Variants in ADGRF5 observed in about 807,000 individuals in gnomAD.
ADGRF5 encodes G-protein coupled receptor 116.
In ADGRF5, 75 loss-of-function variants were observed where a neutral mutation model predicts 132.3. The observed-to-expected ratio is 0.57, with a 90% CI of 0.47 to 0.69. ADGRF5 has a LOEUF of 0.69. ADGRF5 is among the 30% of genes least tolerant of loss of function. ADGRF5 has a pLI of 0.00. For synonymous variants in ADGRF5, 629 were observed against 597.6 expected (o/e 1.05, Z -0.77); for missense variants, 1,516 against 1,630.6 (o/e 0.93, Z 1.21).
At chr6:46,900,106 T>C (rs774818799) in intron 2 of ADGRF5, 23 bp from the exon 3 acceptor site, 8 of 1,592,162 alleles carry the variant, frequency 5.0e-6, no homozygotes, top group African/African-American at 1.3e-5. Context: ...TTTGAGAAAG[T>C]TGTCAATTAA....
chr6:46,919,184 A>G (rs1404428760), intron 1 of ADGRF5, among the ~76,000 whole-genome samples: 3 of 152,232 alleles, frequency 2.0e-5, no homozygotes, highest in Non-Finnish European at 4.4e-5. Context: ...GAATCCAGCC[A>G]ATCGCATCAA....
At chr6:46,898,238 C>T (rs1313281632) in intron 3 of ADGRF5, among the ~76,000 whole-genome samples, 2 of 152,196 alleles carry the variant, frequency 1.3e-5, no homozygotes, top group Non-Finnish European at 2.9e-5. Flanking sequence ...TGTAGTCACC[C>T]ACTGCTCCTG....
chr6:46,930,345 T>A (rs769695495), intron 1 of ADGRF5, among the ~76,000 whole-genome samples: 1 of 152,204 alleles, frequency 6.6e-6, no homozygotes, highest in East Asian at 1.9e-4. Flanking sequence ...TGGAGACAAA[T>A]TGCTTTAAGT....
chr6:46,897,920 A>G (rs1936354051), intron 3 of ADGRF5, among the ~76,000 whole-genome samples: 1 of 152,186 alleles, frequency 6.6e-6, no homozygotes, highest in African/African-American at 2.4e-5. Flanking sequence ...TTCTTACTTC[A>G]GCGATTTTGT....
chr6:46,888,060 G>A (rs1263842030), intron 4 of ADGRF5: 1 of 278,016 alleles, frequency 3.6e-6, no homozygotes, highest in Non-Finnish European at 6.3e-6. Flanking sequence ...TATTATGAAG[G>A]ACCTGGCCAT....
chr6:46,954,079 G>A (rs1778630400), intron 1 of ADGRF5, among the ~76,000 whole-genome samples: 1 of 151,812 alleles, frequency 6.6e-6, no homozygotes, highest in African/African-American at 2.4e-5. Flanking sequence ...GCTAAGGAGT[G>A]AGCACCATCC....
chr6:46,894,381 A>G (rs576333254), intron 3 of ADGRF5, among the ~76,000 whole-genome samples: 4 of 152,336 alleles, frequency 2.6e-5, no homozygotes, highest in African/African-American at 9.6e-5. Context: ...TGGCAGGTGT[A>G]GATGGAGGAG....
chr6:46,861,240 T>C (rs530746762), intron 15 of ADGRF5, among the ~76,000 whole-genome samples: 1 of 152,346 alleles, frequency 6.6e-6, no homozygotes, highest in Non-Finnish European at 1.5e-5. Flanking sequence ...TTGCCACTTT[T>C]TGGTTTTCCT....
At chr6:46,940,328 A>G (rs1778000091) in intron 1 of ADGRF5, among the ~76,000 whole-genome samples, 4 of 152,240 alleles carry the variant, frequency 2.6e-5, no homozygotes, top group Admixed American at 2.6e-4. Flanking sequence ...TGACCATGAC[A>G]TTAAAGAAGA....
chr6:46,865,476 A>C (rs1313772504), intron 13 of ADGRF5, among the ~76,000 whole-genome samples: 2 of 152,094 alleles, frequency 1.3e-5, no homozygotes, highest in East Asian at 3.9e-4. Flanking sequence ...TCCCTATCTA[A>C]ATTTCATCAT....
At position 46,863,023 on chromosome 6, in the gene ADGRF5, C is replaced by T. The variant is rs1769973389; in HGVS notation, c.2064G>A (p.Arg688=). The T allele has an allele frequency of 4.3e-6, 7 of 1,613,934 alleles. No homozygotes were observed. Among genetic ancestry groups the T allele is most frequent in the East Asian group, 4.5e-5 (2 of 44,854 alleles). ...CAGGGCTGCTGGGAACGTTTGAGAA[C>T]CGGCATAGCTTCTGGATGACTTTCC... is the stretch of plus-strand genomic sequence containing the variant. The part of the protein sequence containing the change: ...EPGKVIQKLC[R]FSNVPSSPES... The change falls in exon 15 of 21, where the codon CGG becomes CGA. Residue 688 remains arginine, a synonymous_variant. Transcript: ENST00000283296.
At chr6:46,915,506 T>A (rs1448305976) in intron 1 of ADGRF5, among the ~76,000 whole-genome samples, 1 of 152,094 alleles carries the variant, frequency 6.6e-6, no homozygotes, top group Non-Finnish European at 1.5e-5. Flanking sequence ...ATTTGCAATG[T>A]GGCTTAAAAT....
At chr6:46,877,305 CT>C (rs1491225968) in intron 10 of ADGRF5, among the ~76,000 whole-genome samples, 23 of 57,480 alleles carry the variant, frequency 4.0e-4, no homozygotes, top group African/African-American at 1.5e-3. Context: ...CTCTCTCTCT[CT>C]TTCCTTCCTT....
chr6:46,897,290 A>G (rs964161037), intron 3 of ADGRF5, among the ~76,000 whole-genome samples: 1 of 152,072 alleles, frequency 6.6e-6, no homozygotes, highest in African/African-American at 2.4e-5. Flanking sequence ...AGATGATTCT[A>G]TTCCAAATGC....
At chr6:46,854,871 T>C (rs1285589534) in intron 20 of ADGRF5, 6 of 512,978 alleles carry the variant, frequency 1.2e-5, no homozygotes, top group Non-Finnish European at 1.7e-5. Context: ...GGTCCACCAG[T>C]TTCATAAGTA....
intron 1 of ADGRF5, among the ~76,000 whole-genome samples, chr6:46,946,871 G>A (rs994428989): frequency 6.6e-6 from 1 of 152,182 alleles, no homozygotes; most frequent in African/African-American, 2.4e-5. Context: ...GCTAGTGCTT[G>A]GAGATTTAAG....
chr6:46,923,732 G>C (rs906966627), upstream of ADGRF5, among the ~76,000 whole-genome samples: 1 of 152,080 alleles, frequency 6.6e-6, no homozygotes, highest in Admixed American at 6.6e-5. Flanking sequence ...CCTGCTTGTT[G>C]TTAGGAACAC....
intron 3 of ADGRF5, among the ~76,000 whole-genome samples, chr6:46,898,266 A>T (rs1026574668): frequency 2.0e-5 from 3 of 152,212 alleles, no homozygotes; most frequent in African/African-American, 7.2e-5. Context: ...CAGCAGCCTG[A>T]GCCTTAGAAG....
In ADGRF5 at chr6:46,931,537, A is replaced by T. The variant is rs140207490; in HGVS notation, c.-25+23197T>A. On this transcript the variant is annotated intron_variant, in intron 1 of 20. Transcript: ENST00000265417. ...CACTTCTTCCTTCTTATAAACCACA[A>T]GACATATTCTTGTGTCTTCTATGAC... Among the ~76,000 whole-genome samples the T allele has an allele frequency of 4.8e-4, 73 of 152,216 alleles. No homozygotes were observed. The Middle Eastern group carries it at 0.017, about 35-fold the overall frequency.
Sources: gnomAD v4.1 joint callset for allele counts (sites outside exome capture counted in the v4.1 genomes callset) on GRCh38, gnomAD v4.1.1 for gene constraint, MANE v1.5 for transcripts, NCBI Gene and HGNC (gene_info 2026-07-23, HGNC 2026-07-21) for gene names.